Variants in ROBO1 observed in about 807,000 individuals in gnomAD.
ROBO1 encodes the protein roundabout guidance receptor 1, also known as roundabout homolog 1.
Under a neutral mutation model 195.9 loss-of-function variants are expected in ROBO1, and 149 were observed. The observed-to-expected ratio is 0.76, with a 90% confidence interval of 0.67 to 0.87. The LOEUF (loss-of-function observed/expected upper bound fraction) is 0.87. ROBO1 is among the 40% of genes least tolerant of loss of function. ROBO1 has a pLI of 0.00. For synonymous variants in ROBO1, 816 were observed against 733.2 expected, an observed-to-expected ratio of 1.11 and a Z score of -1.82; for missense variants, 1,933 against 2,068.3, an observed-to-expected ratio of 0.93 and a Z score of 1.27.
At chr3:79,617,921 TAAAAA>T (rs56857468) in intron 1 of ROBO1, among the ~76,000 whole-genome samples, 70 of 144,428 alleles carry the variant, frequency 4.8e-4, no homozygotes, top group Middle Eastern at 3.7e-3. Context: ...AGAGATATAT[TAAAAA>T]AAAAAAAAAG....
At chr3:78,954,790 A>G (rs2040958550) in intron 3 of ROBO1, among the ~76,000 whole-genome samples, 1 of 152,082 alleles carries the variant, frequency 6.6e-6, no homozygotes, top group Non-Finnish European at 1.5e-5. Flanking sequence ...ACCTCAATAT[A>G]CAGAACATGA....
At chr3:78,682,427 A>G (rs868434882) in intron 10 of ROBO1, among the ~76,000 whole-genome samples, 2 of 149,754 alleles carry the variant, frequency 1.3e-5, no homozygotes, top group South Asian at 4.2e-4. Flanking sequence ...ACAAATATAT[A>G]TATTTTGATA....
At chr3:79,679,929 G>A (rs1946894160) in intron 1 of ROBO1, among the ~76,000 whole-genome samples, 1 of 152,006 alleles carries the variant, frequency 6.6e-6, no homozygotes, top group Non-Finnish European at 1.5e-5. Context: ...AATGACATGG[G>A]ATCTGAAGCA....
intron 4 of ROBO1, among the ~76,000 whole-genome samples, chr3:78,764,441 TA>T (rs1474003253): frequency 1.2e-4 from 18 of 152,224 alleles, no homozygotes; most frequent in African/African-American, 4.1e-4. Flanking sequence ...TTAAAACAAT[TA>T]AAAAATATTT....
At chr3:78,819,651 T>C (rs1326565792) in intron 4 of ROBO1, among the ~76,000 whole-genome samples, 3 of 152,136 alleles carry the variant, frequency 2.0e-5, no homozygotes, top group Admixed American at 2.0e-4. Flanking sequence ...CATGATCTGT[T>C]TGTCTATCCC....
chr3:78,941,974 A>C (rs939713542), intron 3 of ROBO1, among the ~76,000 whole-genome samples: 12 of 152,176 alleles, frequency 7.9e-5, no homozygotes, highest in African/African-American at 2.9e-4. Flanking sequence ...TGAGCTAAGA[A>C]GGAATTAGTG....
intron 4 of ROBO1, among the ~76,000 whole-genome samples, chr3:78,794,626 G>A (rs1190644713): frequency 1.3e-5 from 2 of 152,248 alleles, no homozygotes; most frequent in African/African-American, 4.8e-5. Flanking sequence ...CACCCAGACT[G>A]GAGTGCATTG....
chr3:79,519,494 TG>T (rs1048990308), intron 2 of ROBO1, among the ~76,000 whole-genome samples: 1 of 151,372 alleles, frequency 6.6e-6, no homozygotes, highest in African/African-American at 2.4e-5. Flanking sequence ...CCGGGCGTGG[TG>T]GCGGGCGCCT....
chr3:79,335,453 T>A (rs879310155), intron 2 of ROBO1, among the ~76,000 whole-genome samples: 1 of 152,160 alleles, frequency 6.6e-6, no homozygotes, highest in Non-Finnish European at 1.5e-5. Context: ...ACTGTTCTCA[T>A]GATAGTAACT....
intron 1 of ROBO1, among the ~76,000 whole-genome samples, chr3:79,600,483 A>C (rs1050105540): frequency 1.3e-5 from 2 of 152,062 alleles, no homozygotes; most frequent in South Asian, 2.1e-4. Context: ...AGAGAAACAG[A>C]ACAGTTGTTT....
intron 2 of ROBO1, among the ~76,000 whole-genome samples, chr3:79,316,200 A>G (rs911508656): frequency 2.0e-5 from 3 of 152,160 alleles, no homozygotes; most frequent in Admixed American, 6.5e-5. Flanking sequence ...TCTTGAAAGG[A>G]GCAGATGTGT....
chr3:79,382,710 C>T (rs1043735920), intron 2 of ROBO1, among the ~76,000 whole-genome samples: 3 of 152,106 alleles, frequency 2.0e-5, no homozygotes, highest in African/African-American at 7.2e-5. Flanking sequence ...TCTCAATTTA[C>T]ATCCTGAAGT....
rs1223254476 is a variant in ROBO1 at position 79,590,077 on chromosome 3, CAA to C, written c.-50-118_-50-117del. The C allele has an allele frequency of 3.1e-5, 16 of 514,706 alleles. No individual in the cohort carries two copies. The African/African-American group carries it at 3.1e-4, about 10-fold the overall frequency. 31.9% of individuals were successfully genotyped at this position (514,706 alleles called of 1,614,324 possible). A position where few individuals can be genotyped will look rare whatever the true frequency, so the allele number is the denominator to read the frequency against. ...AATGTCATTTTTTGAAATAATGAAA[CAA>C]AATTATTACATAACTAAAATGAATA... On this transcript the variant is annotated intron_variant, in intron 1 of 30. Coordinates refer to ENST00000464233, the MANE Select transcript of ROBO1 (RefSeq NM_002941.4).
At position 79,320,761 on chromosome 3, in the gene ROBO1, GCTTAATGTTTGT is replaced by G. The variant is rs533214128; in HGVS notation, c.89-195234_89-195223del. ...GGCAAACCTACATTAAATTATTAAG[GCTTAATGTTTGT>G]CTTATCTCAGAGTGGATGTAAACAA... On this transcript the variant is annotated intron_variant, in intron 2 of 30. Coordinates refer to ENST00000464233, the MANE Select transcript of ROBO1 (RefSeq NM_002941.4). Among the ~76,000 whole-genome samples the G allele has an allele frequency of 2.0e-4, 31 of 152,178 alleles. No individual in the cohort carries two copies. The East Asian group carries it at 5.8e-3, about 28-fold the overall frequency.
intron 2 of ROBO1, among the ~76,000 whole-genome samples, chr3:79,516,933 G>A (rs916487747): frequency 9.2e-5 from 14 of 152,112 alleles, no homozygotes; most frequent in Middle Eastern, 3.2e-3. Context: ...TTATACTCCC[G>A]TAAGCACATG....
chr3:79,005,406 G>A (rs1393671506), intron 3 of ROBO1, among the ~76,000 whole-genome samples: 1 of 152,138 alleles, frequency 6.6e-6, no homozygotes, highest in South Asian at 2.1e-4. Context: ...ATTCCAGCAG[G>A]ATGAATCATT....
intron 2 of ROBO1, among the ~76,000 whole-genome samples, chr3:79,166,024 T>G (rs1259886454): frequency 6.6e-6 from 1 of 152,202 alleles, no homozygotes; most frequent in Non-Finnish European, 1.5e-5. Context: ...CTACCCTTCC[T>G]GATGGCCTGT....
intron 1 of ROBO1, among the ~76,000 whole-genome samples, chr3:79,729,554 T>G (rs900046144): frequency 2.6e-5 from 4 of 152,212 alleles, no homozygotes; most frequent in African/African-American, 9.6e-5. Flanking sequence ...TTCAGTAAAA[T>G]TAGAGCAAAT....
chr3:79,460,460 T>A, intron 2 of ROBO1, among the ~76,000 whole-genome samples: 1 of 152,184 alleles, frequency 6.6e-6, no homozygotes, highest in East Asian at 1.9e-4. Context: ...GTAAAGCAAG[T>A]GCTTATACAA....
Sources: allele counts gnomAD v4.1 joint callset (sites outside exome capture counted in the v4.1 genomes callset), GRCh38; gene constraint gnomAD v4.1.1; transcripts MANE v1.5; gene names NCBI Gene and HGNC (gene_info 2026-07-23, HGNC 2026-07-21).